The following ACAN variants were observed in gnomAD, a reference collection of about 807,000 sequenced individuals.
ACAN encodes aggrecan core protein.
Under a neutral mutation model 169.1 loss-of-function variants are expected in ACAN, and 47 were observed. The observed-to-expected ratio is 0.28, with a 90% CI of 0.22 to 0.35. The LOEUF (loss-of-function observed/expected upper bound fraction) is 0.35. Ranked by LOEUF, ACAN falls within the 10% of genes least tolerant of loss-of-function variation. ACAN has a pLI of 1.00. For missense variants in ACAN, 2,716 were observed against 2,759.9 expected (o/e 0.98, Z 0.36); for synonymous variants, 1,115 against 1,112.2 (o/e 1.00, Z -0.05).
Position 88,838,987 on chromosome 15 carries a change from G to T in ACAN, c.395G>T (p.Arg132Leu), listed in dbSNP as rs768518689. The T allele has an allele frequency of 5.0e-6, 8 of 1,612,012 alleles. No homozygotes were observed. Among genetic ancestry groups the T allele is most frequent in the Non-Finnish European group, 6.8e-6 (8 of 1,179,886 alleles). The change falls in exon 3 of 19, where the codon CGC becomes CTC. Residue 132 changes from arginine (R) to leucine (L), a missense_variant. Physicochemically the swap from Arg to Leu is moderately radical, Grantham distance 102. Transcript: ENST00000560601. This position sits in a 1 kb window ranked among gnomAD's most constrained non-coding sequence, Gnocchi z 5.1. ...SLRSNDSGVY[R>L]CEVMHGIEDS... ...CGCTCCAATGACTCTGGGGTCTACC[G>T]CTGCGAGGTGATGCATGGCATCGAG...
Position 88,841,808 on chromosome 15 carries a change from A to G in ACAN, c.698A>G (p.Tyr233Cys), listed in dbSNP as rs1896668762. The change falls in exon 5 of 19, where the codon TAT becomes TGT. Residue 233 changes from tyrosine to cysteine, a missense_variant. Physicochemically the swap from Tyr to Cys is radical, Grantham distance 194 (BLOSUM62 -2). Coordinates refer to ENST00000560601, the MANE Select transcript of ACAN (RefSeq NM_001369268.1). The part of the protein sequence containing the change: ...DKDEFPGVRT[Y>C]GIRDTNETYD... ...GATGAGTTTCCTGGTGTGAGGACGT[A>G]TGGCATCCGAGACACCAACGAGACC... 6.2e-7 allele frequency: 1 copy of G among 1,613,276 alleles called. No individual in the cohort carries two copies.
At chr15:88,829,932 A>C (rs1289414463) in intron 1 of ACAN, among the ~76,000 whole-genome samples, 2 of 152,242 alleles carry the variant, frequency 1.3e-5, no homozygotes, top group Non-Finnish European at 2.9e-5. Flanking sequence ...GAGTTAGCAC[A>C]CATAAAACAA....
intron 2 of ACAN, among the ~76,000 whole-genome samples, chr15:88,837,053 A>C (rs1896522252): frequency 6.6e-6 from 1 of 152,206 alleles, no homozygotes; most frequent in Non-Finnish European, 1.5e-5. Context: ...GGATGCCCAG[A>C]ATTTCCCCTC....
At chr15:88,818,629 C>G (rs1895999917) in intron 1 of ACAN, among the ~76,000 whole-genome samples, 1 of 152,138 alleles carries the variant, frequency 6.6e-6, no homozygotes, top group African/African-American at 2.4e-5. Flanking sequence ...CTCAAATACT[C>G]AATAGTCTGA....
intron 4 of ACAN, among the ~76,000 whole-genome samples, chr15:88,840,540 G>A (rs527790134): frequency 6.6e-5 from 10 of 152,198 alleles, no homozygotes; most frequent in African/African-American, 2.2e-4. Context: ...TTTTTAATAA[G>A]GCAAGTTATA....
Position 88,855,160 on chromosome 15 carries a change from G to A in ACAN, c.2575G>A (p.Glu859Lys). The A allele has an allele frequency of 1.8e-5, 29 of 1,609,210 alleles. No homozygotes were observed. The highest frequency in any genetic ancestry group is 2.5e-5 in the Non-Finnish European group (29 of 1,176,916). ...CTGGACTGAGCTGCCCAGCTCTGGG[G>A]AGGAATCTGGGGCCCCTGATGTCAG... ...PSWTELPSSG[E>K]ESGAPDVSGD... The change falls in exon 12 of 19, where the codon GAG (glutamate) becomes AAG (lysine). Residue 859 changes from glutamate (E) to lysine (K), a missense_variant. Physicochemically the swap from Glu to Lys is moderately conservative, Grantham distance 56. This residue lies in a region of ACAN where 1,283 missense variants were observed against 1,281.5 expected (regional missense o/e 1.00). Coordinates refer to ENST00000560601, the MANE Select transcript of ACAN (RefSeq NM_001369268.1).
rs1027872262 is a variant in ACAN at position 88,858,959 on chromosome 15, G to C, written c.6374G>C (p.Gly2125Ala). 6.2e-7 allele frequency: 1 copy of C among 1,612,264 alleles called. No homozygotes were observed. Among genetic ancestry groups the C allele is most frequent in the East Asian group, 2.2e-5 (1 of 44,844 alleles). ...AAPEASREDS[G>A]SPDLSETTSA... ...CCTGAGGCCAGCAGAGAAGATTCTG[G>C]GTCCCCTGATCTGAGTGAAACCACC... is the stretch of plus-strand genomic sequence containing the variant. Residue 2125 changes from glycine (G) to alanine (A), a missense_variant, in exon 12 of 19, where the codon GGG becomes GCG. Gly to Ala is a moderately conservative substitution (Grantham distance 60). This residue lies in a region of ACAN where 1,389 missense variants were observed against 1,363.7 expected (regional missense o/e 1.02). Coordinates refer to ENST00000560601, the MANE Select transcript of ACAN (RefSeq NM_001369268.1). The surrounding 1 kb of genome is among the most constrained non-coding windows in gnomAD (Gnocchi z 4.0).
rs1474930785 is a variant in ACAN, at chr15:88,836,215, T to A, written c.9T>A (p.Thr3=). MT[T]LLWVFVTLRV... is the part of the protein sequence containing the mutation. The stretch of plus-strand genomic sequence containing the variant: ...CCTCTTCCAGGTGAACTATGACCAC[T>A]TTACTCTGGGTTTTCGTGACTCTGA... The change falls in exon 2 of 19, where the codon ACT becomes ACA. Residue 3 remains threonine, a synonymous_variant. Transcript: ENST00000560601. The A allele has an allele frequency of 6.2e-7, 1 of 1,613,774 alleles. No individual in the cohort carries two copies. The highest frequency in any genetic ancestry group is 1.7e-4 in the Middle Eastern group (1 of 6,050).
chr15:88,854,829 T>G, intron 11 of ACAN, 23 bp from the exon 12 acceptor site: 1 of 1,444,130 alleles, frequency 6.9e-7, no homozygotes, highest in Non-Finnish European at 9.1e-7. Flanking sequence ...CCACACTTCA[T>G]CTTTCTTCCT....
chr15:88,845,978 A>G lies in ACAN; in HGVS notation c.1429+96A>G. ...CAGTTGAAGGCTGTACCTTCTACTT[A>G]ACCTGGCACGTGGGACAATGTTCTC... On this transcript the variant is annotated intron_variant, in intron 7 of 18. Coordinates refer to ENST00000560601, the MANE Select transcript of ACAN (RefSeq NM_001369268.1). 7 of 1,303,996 alleles carry G rather than the reference A, an allele frequency of 5.4e-6. No homozygotes were observed. In the South Asian group the frequency reaches 1.2e-4, roughly 23 times the overall value. The allele number at this position is 1,303,996 out of a possible 1,614,324, so 80.8% of individuals were successfully genotyped here.
intron 1 of ACAN, among the ~76,000 whole-genome samples, chr15:88,806,941 A>G (rs1436204919): frequency 6.6e-6 from 1 of 152,094 alleles, no homozygotes; most frequent in East Asian, 1.9e-4. Context: ...TGTTTCTGTT[A>G]TTTATTTTGA....
At chr15:88,826,244 G>A (rs1420549290) in intron 1 of ACAN, among the ~76,000 whole-genome samples, 2 of 152,168 alleles carry the variant, frequency 1.3e-5, no homozygotes, top group Non-Finnish European at 1.5e-5. Flanking sequence ...CTGAGACATA[G>A]CCCATTTAAT....
Position 88,859,414 on chromosome 15 carries a change from G to T in ACAN, c.6829G>T (p.Ala2277Ser). Reference protein sequence around the residue: ...EWKRESESTAAAPARSCAEEP... With the variant: ...EWKRESESTASAPARSCAEEP... ...GAAACGTGAATCAGAATCAACTGCT[G>T]CAGGTATTGTGATTTTTTCCCCCTT... The change falls in exon 12 of 19, where the codon GCA (alanine) becomes TCA (serine). Residue 2277 changes from alanine to serine, a missense_variant. Around this residue, in one of 3 missense-constraint regions of ACAN, gnomAD observed 1,389 missense variants for 1,363.7 expected, o/e 1.02. Coordinates refer to ENST00000560601, the MANE Select transcript of ACAN (RefSeq NM_001369268.1). 1 of 1,554,286 alleles carries T rather than the reference G, an allele frequency of 6.4e-7. No homozygotes were observed. The highest frequency in any genetic ancestry group is 8.7e-7 in the Non-Finnish European group (1 of 1,148,432).
intron 1 of ACAN, among the ~76,000 whole-genome samples, chr15:88,815,845 G>A (rs530712252): frequency 2.0e-5 from 3 of 152,298 alleles, no homozygotes; most frequent in South Asian, 4.1e-4. Flanking sequence ...TCCTAGGCCT[G>A]CCATAACAAA....
chr15:88,856,866 T>A lies in ACAN; in HGVS notation c.4281T>A (p.Asp1427Glu). Reference protein sequence around the residue: ...EVLETTAPGVDEISGLPSGEV... With the variant: ...EVLETTAPGVEEISGLPSGEV... ...TAGAGACTACTGCCCCTGGAGTAGA[T>A]GAGATCAGTGGGCTTCCTTCTGGAG... Residue 1427 changes from aspartate (D) to glutamate (E), a missense_variant, in exon 12 of 19, where the codon GAT becomes GAA. Physicochemically the swap from Asp to Glu is conservative, Grantham distance 45 (BLOSUM62 2). Transcript: ENST00000560601. 6.7e-7 allele frequency: 1 copy of A among 1,503,100 alleles called. No homozygotes were observed. The highest frequency in any genetic ancestry group is 8.9e-7 in the Non-Finnish European group (1 of 1,122,666). 93.1% of individuals were successfully genotyped at this position (1,503,100 alleles called of 1,614,324 possible).
At chr15:88,813,985 C>T (rs553907730) in intron 1 of ACAN, among the ~76,000 whole-genome samples, 21 of 152,350 alleles carry the variant, frequency 1.4e-4, no homozygotes, top group African/African-American at 4.8e-4. Context: ...TTGGTACCTA[C>T]ATATTTATTC....
chr15:88,831,300 A>G (rs753071856), intron 1 of ACAN, among the ~76,000 whole-genome samples: 3 of 152,204 alleles, frequency 2.0e-5, no homozygotes, highest in Non-Finnish European at 4.4e-5. Context: ...CACATGCTGC[A>G]CTAAAGCGCT....
rs112145766 is a variant in ACAN, at chr15:88,831,818, G to A, written c.-7-4382G>A. On this transcript the variant is annotated intron_variant, in intron 1 of 18. Coordinates refer to ENST00000560601, the MANE Select transcript of ACAN (RefSeq NM_001369268.1). Reference sequence around the variant, plus strand: ...CTTAGACCTTCTGTGGCTCCAGGGGGTAAAGAGAGGTCCAGAAGGCCGCCA... The same window carrying A: ...CTTAGACCTTCTGTGGCTCCAGGGGATAAAGAGAGGTCCAGAAGGCCGCCA... 7.7e-4 allele frequency among the ~76,000 whole-genome samples: 117 copies of A among 152,310 alleles called. 1 individual carries two copies. Among genetic ancestry groups the A allele is most frequent in the Non-Finnish European group, 1.4e-3 (94 of 68,026 alleles).
rs1230621863 is a variant in ACAN at position 88,869,788 on chromosome 15, G to C, written c.7060+1459G>C. 1.3e-5 allele frequency among the ~76,000 whole-genome samples: 2 copies of C among 152,116 alleles called. No individual in the cohort carries two copies. Among genetic ancestry groups the C allele is most frequent in the Non-Finnish European group, 2.9e-5 (2 of 68,002 alleles). On this transcript the variant is annotated intron_variant, in intron 14 of 18. Transcript: ENST00000560601. This position sits in a 1 kb window ranked among gnomAD's most constrained non-coding sequence, Gnocchi z 4.2. The stretch of plus-strand genomic sequence containing the variant: ...GCATCTCCTCTCCCATTCCAATCCT[G>C]AGTCCTCACCACTCCACGGTGCCTC...
Sources: allele counts gnomAD v4.1 joint callset (sites outside exome capture counted in the v4.1 genomes callset), GRCh38; gene constraint gnomAD v4.1.1; regional missense constraint gnomAD v4.1.1; non-coding constraint Gnocchi (gnomAD v3.1); transcripts MANE v1.5; gene names NCBI Gene and HGNC (gene_info 2026-07-23, HGNC 2026-07-21).